The following AQP7 variants were observed in gnomAD, a reference collection of about 807,000 sequenced individuals.
AQP7 encodes the protein aquaporin-7.
Under a neutral mutation model 26.1 loss-of-function variants are expected in AQP7, and 22 were observed. The observed-to-expected ratio is 0.84, with a 90% CI of 0.60 to 1.20. AQP7 has a LOEUF of 1.20. Ranked by LOEUF, AQP7 falls within the 50% of genes most tolerant of loss-of-function variation. The probability of loss-of-function intolerance (pLI) is 0.00; values close to 1 mark genes in which losing one functional copy is unlikely to be tolerated. For synonymous variants in AQP7, 167 were observed against 181.7 expected (o/e 0.92, Z 0.65); for missense variants, 412 against 457.5 (o/e 0.90, Z 0.91).
chr9:33,387,487 C>A (rs1188119744), intron 3 of AQP7, among the ~76,000 whole-genome samples: 1 of 152,048 alleles, frequency 6.6e-6, no homozygotes, highest in African/African-American at 2.4e-5. Flanking sequence ...TTCAAGGGAC[C>A]TCCAAATCCA....
At chr9:33,394,907 C>A (rs887855762) in intron 3 of AQP7, among the ~76,000 whole-genome samples, 171 bp downstream of exon 3, 3 of 152,136 alleles carry the variant, frequency 2.0e-5, no homozygotes, top group African/African-American at 4.8e-5. Flanking sequence ...CCCTTTCTGT[C>A]CAAAAAGGCT....
chr9:33,384,954 G>A lies in AQP7; in HGVS notation c.*51C>T, dbSNP rs1287733990. On this transcript the variant is annotated 3_prime_UTR_variant, in exon 8 of 8. Coordinates refer to ENST00000297988, the MANE Select transcript of AQP7 (RefSeq NM_001170.3). ...CCCAGGAAGTGGGGGTACTGCTGTC[G>A]GACAAGCCTTGCTTTATTGGGGAAT... is the stretch of plus-strand genomic sequence containing the variant. 10 of 1,552,656 alleles carry A rather than the reference G, an allele frequency of 6.4e-6. No homozygotes were observed. The highest frequency in any genetic ancestry group is 2.4e-4 in the Middle Eastern group (1 of 4,176).
chr9:33,385,422 C>A, intron 7 of AQP7, 132 bp from the exon 8 acceptor site: 2 of 1,100,894 alleles, frequency 1.8e-6, no homozygotes, highest in Non-Finnish European at 2.6e-6. Flanking sequence ...CAACCCAGGG[C>A]CCTGGTCAGC....
At chr9:33,396,077 C>A (rs1345939079) in intron 2 of AQP7, among the ~76,000 whole-genome samples, 3 of 152,020 alleles carry the variant, frequency 2.0e-5, no homozygotes, top group Admixed American at 1.3e-4. Flanking sequence ...GGGCCCAAAT[C>A]TGCATATAGA....
rs1824635064 is a variant in AQP7, at chr9:33,385,266, C to T, written c.768G>A (p.Val256=). The change falls in exon 8 of 8, where the codon GTG becomes GTA. Residue 256 remains valine, a synonymous_variant. Coordinates refer to ENST00000297988, the MANE Select transcript of AQP7 (RefSeq NM_001170.3). ...CACCCAGAAGTGGTGCCACCACTGG[C>T]ACCCACCACCAGTTCTCCCCATTGC... ...VFSNGENWWW[V]PVVAPLLGAY... is the part of the protein sequence containing the mutation. The T allele has an allele frequency of 6.2e-7, 1 of 1,611,152 alleles. No homozygotes were observed. Among genetic ancestry groups the T allele is most frequent in the Non-Finnish European group, 8.5e-7 (1 of 1,179,476 alleles).
rs1005316324 is a variant in AQP7, at chr9:33,390,507, T to C, written c.145-3415A>G. On this transcript the variant is annotated intron_variant, in intron 3 of 7. Transcript: ENST00000297988. ...AAAAAGTCAGAGTACAGAGCAGCTT[T>C]GGGGAAGTCTGAGAAAATGTGAAAT... Among the ~76,000 whole-genome samples, 3 of 149,510 alleles carry C rather than the reference T, an allele frequency of 2.0e-5. No homozygotes were observed. The East Asian group carries it at 5.8e-4, about 29-fold the overall frequency.
At chr9:33,388,416 A>G (rs1158297785) in intron 3 of AQP7, among the ~76,000 whole-genome samples, 1 of 151,966 alleles carries the variant, frequency 6.6e-6, no homozygotes, top group Non-Finnish European at 1.5e-5. Context: ...CAAAAACCCC[A>G]TCGCGTCTTC....
intron 3 of AQP7, among the ~76,000 whole-genome samples, chr9:33,390,603 G>A (rs1825298733): frequency 6.6e-6 from 1 of 152,168 alleles, no homozygotes; most frequent in Non-Finnish European, 1.5e-5. Context: ...CAGGACAGAA[G>A]CAGGGGAGCC....
intron 3 of AQP7, among the ~76,000 whole-genome samples, chr9:33,389,718 G>A (rs1225272267): frequency 6.6e-6 from 1 of 152,144 alleles, no homozygotes; most frequent in Non-Finnish European, 1.5e-5. Context: ...CAGAGGAGAA[G>A]GCCCCAGGAG....
In AQP7 at chr9:33,398,581, G is replaced by A. The variant is rs1826018191; in HGVS notation, c.26+2656C>T. ...AGGGAAGAGAGCGGGGCAGCTCAGC[G>A]ATGCCCTCAGGTCCTGGCTAGGGCA... On this transcript the variant is annotated intron_variant, in intron 2 of 7. Transcript: ENST00000297988. Among the ~76,000 whole-genome samples, 5 of 152,232 alleles carry A rather than the reference G, an allele frequency of 3.3e-5. No homozygotes were observed. In the South Asian group the frequency reaches 1.0e-3, roughly 31 times the overall value.
intron 3 of AQP7, among the ~76,000 whole-genome samples, chr9:33,389,895 G>C (rs549076587): frequency 1.3e-5 from 2 of 152,166 alleles, no homozygotes; most frequent in African/African-American, 2.4e-5. Flanking sequence ...AGGTGTGGTG[G>C]CGCTTGCCTG....
intron 2 of AQP7, chr9:33,395,472 G>A (rs2381010): frequency 6.8e-5 from 29 of 429,204 alleles, no homozygotes; most frequent in Admixed American, 4.9e-4. Context: ...GCAGATGGGC[G>A]GGTGGGGAGC....
At chr9:33,399,802 A>G (rs1211244738) in intron 2 of AQP7, among the ~76,000 whole-genome samples, 3 of 151,908 alleles carry the variant, frequency 2.0e-5, no homozygotes, top group South Asian at 2.1e-4. Flanking sequence ...GGTTTTGAAG[A>G]ATGGGCGGGT....
chr9:33,393,779 C>G (rs1465982660), intron 3 of AQP7: 1 of 152,312 alleles, frequency 6.6e-6, no homozygotes, highest in Non-Finnish European at 1.5e-5. Context: ...AACCCAAAGG[C>G]CTCTTGCCAG....
chr9:33,399,013 C>G (rs1200393780), intron 2 of AQP7, among the ~76,000 whole-genome samples: 1 of 150,774 alleles, frequency 6.6e-6, no homozygotes, highest in Admixed American at 6.6e-5. Flanking sequence ...CTCTGTCGCC[C>G]AGGCTGAAGT....
intron 1 of AQP7, among the ~76,000 whole-genome samples, chr9:33,402,116 C>G (rs1349240929): frequency 1.3e-5 from 2 of 152,198 alleles, no homozygotes; most frequent in African/African-American, 2.4e-5. Context: ...CATCTCTGCT[C>G]TACCGCTGGT....
At chr9:33,396,201 G>A (rs1194659158) in intron 2 of AQP7, among the ~76,000 whole-genome samples, 5 of 152,164 alleles carry the variant, frequency 3.3e-5, no homozygotes, top group Admixed American at 2.0e-4. Flanking sequence ...ACTTTGGTAG[G>A]CCAAGGTGGG....
At position 33,395,068 on chromosome 9, in the gene AQP7, A is replaced by C. The variant is rs2381001; in HGVS notation, c.144+10T>G. 34 of 1,584,788 alleles carry C rather than the reference A, an allele frequency of 2.1e-5. 1 individual carries two copies. The South Asian group carries it at 3.4e-4, about 16-fold the overall frequency. ...GAGCCCCACCCACTTCGTGCTGCCCACCCACTCACCATCATGACATATGTG... is the reference window on the plus strand; with the variant it reads ...GAGCCCCACCCACTTCGTGCTGCCCCCCCACTCACCATCATGACATATGTG... On this transcript the variant is annotated intron_variant, in intron 3 of 7. Coordinates refer to ENST00000297988, the MANE Select transcript of AQP7 (RefSeq NM_001170.3).
rs567701114 is a variant in AQP7, at chr9:33,387,727, T to C, written c.145-635A>G. Among the ~76,000 whole-genome samples, 55 of 152,036 alleles carry C rather than the reference T, an allele frequency of 3.6e-4. 1 individual carries two copies. The highest frequency in any genetic ancestry group is 1.3e-3 in the African/African-American group (54 of 41,502). On this transcript the variant is annotated intron_variant, in intron 3 of 7. Transcript: ENST00000297988. ...GGGCCTACCTTCAGGCCCATTAGCC[T>C]CAGTCCAGAGCCACTGTTCCCTTCA...
Sources: allele counts gnomAD v4.1 joint callset (sites outside exome capture counted in the v4.1 genomes callset), GRCh38; gene constraint gnomAD v4.1.1; transcripts MANE v1.5; gene names NCBI Gene and HGNC (gene_info 2026-07-23, HGNC 2026-07-21).